The following EDIL3 variants were observed in gnomAD, a reference collection of about 807,000 sequenced individuals.
The protein encoded by EDIL3 is EGF like and discoidin domains 3.
Under a neutral mutation model 67.4 loss-of-function variants are expected in EDIL3, and 37 were observed. That is an observed-to-expected ratio of 0.55 (90% CI 0.42 to 0.72). The LOEUF is 0.72. Ranked by LOEUF, EDIL3 falls within the 30% of genes least tolerant of loss-of-function variation. The pLI, the probability that EDIL3 is intolerant of heterozygous loss-of-function variation, is 0.00. For missense variants in EDIL3, 527 were observed against 586.3 expected (o/e 0.90, Z 1.04); for synonymous variants, 195 against 196.3 (o/e 0.99, Z 0.05).
intron 1 of EDIL3, among the ~76,000 whole-genome samples, chr5:84,280,159 T>C (rs1327462877): frequency 6.6e-6 from 1 of 152,212 alleles, no homozygotes; most frequent in Non-Finnish European, 1.5e-5. Flanking sequence ...TGTTTCCTTG[T>C]GATGCCCCAG....
chr5:84,301,896 T>C (rs1746170565), intron 1 of EDIL3, among the ~76,000 whole-genome samples: 1 of 152,208 alleles, frequency 6.6e-6, no homozygotes, highest in South Asian at 2.1e-4. Flanking sequence ...CGTGATTTTT[T>C]TTCCTGACTA....
chr5:84,049,069 G>A (rs1746283185), intron 9 of EDIL3, among the ~76,000 whole-genome samples: 1 of 152,104 alleles, frequency 6.6e-6, no homozygotes, highest in Non-Finnish European at 1.5e-5. Flanking sequence ...TACAGTTTCA[G>A]TAGAGAAGAT....
chr5:84,313,420 A>G (rs1220695165), intron 1 of EDIL3, among the ~76,000 whole-genome samples: 1 of 152,222 alleles, frequency 6.6e-6, no homozygotes, highest in Non-Finnish European at 1.5e-5. Flanking sequence ...GGGTCACAGA[A>G]CATAAAACTC....
rs200126911 is a variant in EDIL3 at position 84,040,515 on chromosome 5, T to TTATA, written c.1137+19781_1137+19784dup. On this transcript the variant is annotated intron_variant, in intron 9 of 10. Coordinates refer to ENST00000296591, the MANE Select transcript of EDIL3 (RefSeq NM_005711.5). ...ATAAAGGGTATATATAGATATATAA[T>TTATA]TATATATATATATATTCTAGCCAGA... Among the ~76,000 whole-genome samples, 5 of 147,772 alleles carry TTATA rather than the reference T, an allele frequency of 3.4e-5. 1 individual carries two copies. Among genetic ancestry groups the TTATA allele is most frequent in the East Asian group, 2.0e-4 (1 of 5,118 alleles).
At chr5:83,976,345 G>A (rs1561391059) in intron 9 of EDIL3, among the ~76,000 whole-genome samples, 1 of 151,688 alleles carries the variant, frequency 6.6e-6, no homozygotes, top group Non-Finnish European at 1.5e-5. Flanking sequence ...CTTTTTTTCT[G>A]GAAAGCTTTC....
intron 9 of EDIL3, among the ~76,000 whole-genome samples, chr5:84,049,002 T>C (rs1198643404): frequency 6.6e-6 from 1 of 152,178 alleles, no homozygotes; most frequent in Non-Finnish European, 1.5e-5. Context: ...GAAATTAATC[T>C]TTCTGTTGAA....
intron 6 of EDIL3, among the ~76,000 whole-genome samples, chr5:84,103,435 C>A (rs4703575): frequency 3.9e-5 from 6 of 152,008 alleles, no homozygotes; most frequent in South Asian, 4.1e-4. Context: ...AACAGACAAC[C>A]TACCGAATGG....
rs142704773 is a variant in EDIL3 at position 84,331,865 on chromosome 5, T to C, written c.67+52443A>G. On this transcript the variant is annotated intron_variant, in intron 1 of 10. Transcript: ENST00000296591. ...CAACATAATCTCAATCAATGCTTCA[T>C]GAAAAAAGAAGTAAATGCATTATAT... 8.1e-4 allele frequency among the ~76,000 whole-genome samples: 124 copies of C among 152,274 alleles called. 2 individuals are homozygous for C. In the East Asian group the frequency reaches 0.021, roughly 26 times the overall value.
At chr5:84,209,407 T>C (rs1319307024) in intron 3 of EDIL3, among the ~76,000 whole-genome samples, 1 of 152,070 alleles carries the variant, frequency 6.6e-6, no homozygotes, top group East Asian at 1.9e-4. Context: ...AATGTTTAGG[T>C]TGCACTACTA....
chr5:84,260,752 C>T (rs899200947), intron 1 of EDIL3, among the ~76,000 whole-genome samples: 5 of 152,116 alleles, frequency 3.3e-5, no homozygotes, highest in African/African-American at 1.2e-4. Context: ...CTGGCAGCCA[C>T]CTAGAATATG....
intron 6 of EDIL3, among the ~76,000 whole-genome samples, chr5:84,090,235 G>T (rs1747140364): frequency 6.6e-6 from 1 of 152,108 alleles, no homozygotes; most frequent in South Asian, 2.1e-4. Context: ...TACCATCAAG[G>T]CAGCATAGAT....
At chr5:84,179,567 T>C (rs1561454930) in intron 4 of EDIL3, among the ~76,000 whole-genome samples, 1 of 152,214 alleles carries the variant, frequency 6.6e-6, no homozygotes, top group Non-Finnish European at 1.5e-5. Flanking sequence ...CTTTGCCTTA[T>C]CGTTCTTAAT....
At chr5:84,288,729 A>T (rs1347763752) in intron 1 of EDIL3, among the ~76,000 whole-genome samples, 2 of 152,134 alleles carry the variant, frequency 1.3e-5, no homozygotes, top group Non-Finnish European at 2.9e-5. Context: ...TGACTACTCA[A>T]CTTAAAATTG....
intron 9 of EDIL3, among the ~76,000 whole-genome samples, chr5:84,049,878 T>C (rs1374727864): frequency 6.6e-6 from 1 of 152,062 alleles, no homozygotes; most frequent in Non-Finnish European, 1.5e-5. Context: ...TCAAGAAAGC[T>C]AACCAATTAG....
chr5:83,953,004 T>C (rs907801886), intron 10 of EDIL3, among the ~76,000 whole-genome samples: 1 of 151,740 alleles, frequency 6.6e-6, no homozygotes. Context: ...TGGAGATGGA[T>C]GCAGGGGTGG....
chr5:84,043,042 A>T (rs937372126), intron 9 of EDIL3, among the ~76,000 whole-genome samples: 1 of 152,236 alleles, frequency 6.6e-6, no homozygotes, highest in Non-Finnish European at 1.5e-5. Context: ...AAGTTAACAT[A>T]AAGACAAGTA....
At chr5:84,111,920 T>G (rs1473939108) in intron 5 of EDIL3, among the ~76,000 whole-genome samples, 1 of 152,080 alleles carries the variant, frequency 6.6e-6, no homozygotes, top group Non-Finnish European at 1.5e-5. Context: ...ATAACCTAGC[T>G]TGGGGCTCTG....
intron 1 of EDIL3, among the ~76,000 whole-genome samples, chr5:84,256,688 T>C (rs1382437309): frequency 2.0e-5 from 3 of 152,056 alleles, no homozygotes; most frequent in East Asian, 3.9e-4. Context: ...ATAAAAGAAC[T>C]TGAAATATGG....
rs1748996292 is a variant in EDIL3 at position 84,180,492 on chromosome 5, C to T, written c.256G>A (p.Gly86Arg). ...GPCTPNPCHN[G>R]GTCEISEAYR... ...GCTTCACTTATTTCACAGGTTCCTC[C>T]ATTATGGCATGGATTAGGAGTGCAG... is the stretch of plus-strand genomic sequence containing the variant. The change falls in exon 4 of 11, where the codon GGA becomes AGA. Residue 86 changes from glycine (G) to arginine (R), a missense_variant. Around this residue, in one of 2 missense-constraint regions of EDIL3, gnomAD observed 494 missense variants for 522.5 expected, o/e 0.95. Transcript: ENST00000296591. 1 of 1,605,610 alleles carries T rather than the reference C, an allele frequency of 6.2e-7. No homozygotes were observed. Among genetic ancestry groups the T allele is most frequent in the African/African-American group, 1.3e-5 (1 of 74,686 alleles).
Sources: gnomAD v4.1 joint callset for allele counts (sites outside exome capture counted in the v4.1 genomes callset) on GRCh38, gnomAD v4.1.1 for gene constraint, gnomAD v4.1.1 regional missense constraint, MANE v1.5 for transcripts, NCBI Gene and HGNC (gene_info 2026-07-23, HGNC 2026-07-21) for gene names.